The following INTS9 variants were observed in gnomAD, a reference collection of about 807,000 sequenced individuals.
The protein encoded by INTS9 is integrator complex subunit 9.
Under a neutral mutation model 79.7 loss-of-function variants are expected in INTS9, and 55 were observed. The ratio of observed to expected loss-of-function variants is 0.69; its 90% CI spans 0.56 to 0.86. The LOEUF (loss-of-function observed/expected upper bound fraction) is 0.86. INTS9 is among the 40% of genes least tolerant of loss of function. The probability of loss-of-function intolerance (pLI) is 0.00; values close to 1 mark genes in which losing one functional copy is unlikely to be tolerated. For missense variants in INTS9, 721 were observed against 831.5 expected (o/e 0.87, Z 1.64); for synonymous variants, 319 against 325.2 (o/e 0.98, Z 0.20).
intron 3 of INTS9, 105 bp downstream of exon 3, chr8:28,850,105 GAAA>G (rs76248890): frequency 4.1e-4 from 266 of 653,012 alleles, no homozygotes; most frequent in South Asian, 6.7e-4. Context: ...TTTCAGAGAG[GAAA>G]AAAAAAAAAA....
chr8:28,794,138 A>G (rs1360370157), intron 9 of INTS9, 151 bp from the exon 10 acceptor site: 7 of 587,924 alleles, frequency 1.2e-5, no homozygotes, highest in Non-Finnish European at 1.7e-5. Flanking sequence ...TTTGAAGAAC[A>G]CATCAAAGCA....
chr8:28,787,428 A>G (rs1391628479), intron 11 of INTS9, among the ~76,000 whole-genome samples: 133 of 152,224 alleles, frequency 8.7e-4, no homozygotes, highest in East Asian at 1.9e-4. Context: ...TTGCATGAAC[A>G]TGGTACAGGC....
intron 6 of INTS9, 86 bp from the exon 7 acceptor site, chr8:28,813,698 C>A: frequency 1.4e-6 from 2 of 1,421,076 alleles, no homozygotes; most frequent in Non-Finnish European, 2.0e-6. Flanking sequence ...TCCATTTGAT[C>A]CAAATGGTTT....
At chr8:28,881,477 G>GGGGGGA (rs1809801280) in intron 1 of INTS9, among the ~76,000 whole-genome samples, 3 of 3,468 alleles carry the variant, frequency 8.7e-4, no homozygotes, top group Non-Finnish European at 2.1e-3. Context: ...GGAGGGGGGA[G>GGGGGGA]GGGGGGGTCA....
At chr8:28,793,084 C>A (rs1385349472) in intron 10 of INTS9, among the ~76,000 whole-genome samples, 2 of 152,042 alleles carry the variant, frequency 1.3e-5, no homozygotes, top group African/African-American at 4.8e-5. Context: ...AGATGATGTA[C>A]AAATTCCTTT....
chr8:28,857,269 C>T (rs1808225693), intron 2 of INTS9, among the ~76,000 whole-genome samples: 1 of 152,176 alleles, frequency 6.6e-6, no homozygotes, highest in South Asian at 2.1e-4. Flanking sequence ...GAAAACACAT[C>T]TCCAAAGTAT....
chr8:28,785,288 GTTC>G (rs1419830737), intron 11 of INTS9, among the ~76,000 whole-genome samples: 1 of 152,194 alleles, frequency 6.6e-6, no homozygotes, highest in Non-Finnish European at 1.5e-5. Flanking sequence ...AAATGATCTA[GTTC>G]TTCATAACAT....
intron 6 of INTS9, among the ~76,000 whole-genome samples, chr8:28,816,355 A>G (rs1474005759): frequency 4.8e-4 from 62 of 128,180 alleles, no homozygotes; most frequent in African/African-American, 1.9e-3. Context: ...TCCTGTGTCC[A>G]TATGTTCTCA....
chr8:28,811,595 A>G (rs1167087304), intron 8 of INTS9, among the ~76,000 whole-genome samples: 1 of 151,882 alleles, frequency 6.6e-6, no homozygotes, highest in Non-Finnish European at 1.5e-5. Flanking sequence ...TAATTTTTGT[A>G]TTTTTTGTAG....
chr8:28,816,863 G>A (rs1313443200), intron 6 of INTS9, among the ~76,000 whole-genome samples: 2 of 152,116 alleles, frequency 1.3e-5, no homozygotes, highest in Non-Finnish European at 2.9e-5. Flanking sequence ...GTGTAAGGTG[G>A]TATCTCATTG....
intron 6 of INTS9, among the ~76,000 whole-genome samples, chr8:28,817,599 G>A (rs1240450693): frequency 3.6e-4 from 54 of 151,614 alleles, no homozygotes; most frequent in Non-Finnish European, 2.9e-5. Flanking sequence ...GATGCCTCCA[G>A]CTTTGTTCTT....
chr8:28,792,142 A>T (rs1585360736), intron 10 of INTS9, among the ~76,000 whole-genome samples: 1 of 152,354 alleles, frequency 6.6e-6, no homozygotes, highest in Middle Eastern at 3.4e-3. Flanking sequence ...TAGTCTAGAA[A>T]CAAAACCTGG....
rs954153367 is a variant in INTS9 at position 28,776,018 on chromosome 8, A to AT, written c.1396-93dup. The AT allele has an allele frequency of 2.9e-5, 30 of 1,020,268 alleles. No homozygotes were observed. The African/African-American group carries it at 3.9e-4, about 13-fold the overall frequency. 63.2% of individuals were successfully genotyped at this position (1,020,268 alleles called of 1,614,324 possible). ...TCCTGACCCCGATCCACTCCCCGCC[A>AT]TTACAGGCTCACCACTTCCAGGCCA... is the stretch of plus-strand genomic sequence containing the variant. On this transcript the variant is annotated intron_variant, in intron 13 of 16. Transcript: ENST00000521022.
intron 1 of INTS9, among the ~76,000 whole-genome samples, chr8:28,884,329 A>C (rs1810067299): frequency 6.6e-6 from 1 of 151,652 alleles, no homozygotes; most frequent in African/African-American, 2.4e-5. Flanking sequence ...GACTACGGGC[A>C]CAAGACACCA....
chr8:28,872,872 G>T (rs1809170638), intron 1 of INTS9, among the ~76,000 whole-genome samples: 1 of 152,152 alleles, frequency 6.6e-6, no homozygotes, highest in South Asian at 2.1e-4. Flanking sequence ...ATCCTAACTG[G>T]TGTACAGTTT....
chr8:28,779,502 A>G (rs1268695682), intron 12 of INTS9, among the ~76,000 whole-genome samples: 1 of 152,118 alleles, frequency 6.6e-6, no homozygotes, highest in Non-Finnish European at 1.5e-5. Context: ...AACACGGAAC[A>G]CAGAACTTTC....
intron 8 of INTS9, among the ~76,000 whole-genome samples, chr8:28,801,794 G>T (rs894769052): frequency 6.6e-6 from 1 of 152,004 alleles, no homozygotes; most frequent in Non-Finnish European, 1.5e-5. Context: ...TGTATTTTTT[G>T]TAGAGATGGA....
chr8:28,861,226 T>C (rs1343490479), intron 1 of INTS9, among the ~76,000 whole-genome samples: 2 of 152,206 alleles, frequency 1.3e-5, no homozygotes, highest in Admixed American at 1.3e-4. Context: ...GGTATCAGGA[T>C]TACAGAAAAT....
chr8:28,874,762 C>A (rs1468402307), intron 1 of INTS9, among the ~76,000 whole-genome samples: 2 of 152,180 alleles, frequency 1.3e-5, no homozygotes, highest in African/African-American at 4.8e-5. Flanking sequence ...GCCCCTGCCC[C>A]ACTTATAGTG....
Sources: gnomAD v4.1 joint callset for allele counts (sites outside exome capture counted in the v4.1 genomes callset) on GRCh38, gnomAD v4.1.1 for gene constraint, MANE v1.5 for transcripts, NCBI Gene and HGNC (gene_info 2026-07-23, HGNC 2026-07-21) for gene names.